Variants in CRTC3 observed in about 807,000 individuals in gnomAD.
The protein encoded by CRTC3 is CREB regulated transcription coactivator 3, also known as CREB-regulated transcription coactivator 3.
In CRTC3, 26 loss-of-function variants were observed where a neutral mutation model predicts 74.5. The ratio of observed to expected loss-of-function variants is 0.35; its 90% CI spans 0.26 to 0.48. The LOEUF is 0.48. Among genes scored for constraint, CRTC3 ranks in the 20% least tolerant of loss-of-function variants. CRTC3 has a pLI of 0.99. For synonymous variants in CRTC3, 377 were observed against 325.8 expected (o/e 1.16, Z -1.69); for missense variants, 760 against 787.3 (o/e 0.97, Z 0.41).
rs146223486 is a variant in CRTC3, at chr15:90,642,687, C to T, written c.*547C>T. On this transcript the variant is annotated 3_prime_UTR_variant, in exon 15 of 15. Transcript: ENST00000268184. ...GCTCTCTCCCACGCCTGGATTACGA[C>T]ATGAAGTTTTTACCACAAGCCCGAG... 44 of 232,554 alleles carry T rather than the reference C, an allele frequency of 1.9e-4. No individual in the cohort carries two copies. Among genetic ancestry groups the T allele is most frequent in the African/African-American group, 8.2e-4 (37 of 45,272 alleles). 14.4% of individuals were successfully genotyped at this position (232,554 alleles called of 1,614,324 possible).
chr15:90,629,488 C>CAGCT lies in CRTC3; in HGVS notation c.1223_1226dup (p.Ser410AlafsTer58). On this transcript the variant is annotated frameshift_variant, in exon 11 of 15. Coordinates refer to ENST00000268184, the MANE Select transcript of CRTC3 (RefSeq NM_022769.5). LOFTEE classifies it high-confidence loss of function. ...TGAAGCACATCAAGGTTTCAGCAGA[C>CAGCT]AGCTGTCTTCAACCAGCCCACTGGC... The CAGCT allele has an allele frequency of 6.2e-7, 1 of 1,614,134 alleles. No individual in the cohort carries two copies. The highest frequency in any genetic ancestry group is 8.5e-7 in the Non-Finnish European group (1 of 1,180,026).
intron 11 of CRTC3, chr15:90,634,772 A>T: frequency 8.7e-7 from 1 of 1,150,736 alleles, no homozygotes; most frequent in Non-Finnish European, 1.3e-6. Context: ...CTGACTGAGT[A>T]TTGGTTGGAA....
rs1966615429 is a variant in CRTC3 at position 90,530,836 on chromosome 15, A to G, written c.132+633A>G. 1 of 152,688 alleles carries G rather than the reference A, an allele frequency of 6.5e-6. No individual in the cohort carries two copies. The highest frequency in any genetic ancestry group is 2.1e-4 in the South Asian group (1 of 4,838). The allele number at this position is 152,688 out of a possible 1,614,324, so 9.5% of individuals were successfully genotyped here. A position where few individuals can be genotyped will look rare whatever the true frequency, so the allele number is the denominator to read the frequency against. The stretch of plus-strand genomic sequence containing the variant: ...CCGGGATATTTAGTGAGAACTGACA[A>G]GCGTCGCTGGTGACTGGAGAGGGAC... On this transcript the variant is annotated intron_variant, in intron 1 of 14. Transcript: ENST00000268184. The surrounding 1 kb of genome is among the most constrained non-coding windows in gnomAD (Gnocchi z 6.2).
chr15:90,570,535 C>G (rs1967239329), intron 2 of CRTC3, among the ~76,000 whole-genome samples: 1 of 152,092 alleles, frequency 6.6e-6, no homozygotes, highest in African/African-American at 2.4e-5. Flanking sequence ...TTATATAACA[C>G]TCCTTTATAA....
rs141258816 is a variant in CRTC3, at chr15:90,567,745, T to C, written c.232-25891T>C. On this transcript the variant is annotated intron_variant, in intron 2 of 14. Coordinates refer to ENST00000268184, the MANE Select transcript of CRTC3 (RefSeq NM_022769.5). Reference sequence around the variant, plus strand: ...TATCACTCCTCGTTGACAGTGCACCTAATCATCCAGGAGCTCTGATGGAAA... The same window carrying C: ...TATCACTCCTCGTTGACAGTGCACCCAATCATCCAGGAGCTCTGATGGAAA... Among the ~76,000 whole-genome samples the C allele has an allele frequency of 4.9e-3, 726 of 148,202 alleles. 2 individuals carry two copies. The highest frequency in any genetic ancestry group is 0.014 in the Middle Eastern group (4 of 286).
intron 2 of CRTC3, among the ~76,000 whole-genome samples, chr15:90,558,971 C>T (rs1303705745): frequency 2.0e-5 from 3 of 151,924 alleles, no homozygotes; most frequent in African/African-American, 4.8e-5. Context: ...AGGATGGTCT[C>T]GATCTCCTGG....
chr15:90,604,524 T>G, intron 5 of CRTC3, 77 bp downstream of exon 5: 1 of 1,118,902 alleles, frequency 8.9e-7, no homozygotes, highest in Non-Finnish European at 1.4e-6. Flanking sequence ...TAGCATCCAG[T>G]TGCCAGAGTG....
At chr15:90,563,539 C>G (rs1967058630) in intron 2 of CRTC3, among the ~76,000 whole-genome samples, 1 of 152,088 alleles carries the variant, frequency 6.6e-6, no homozygotes, top group South Asian at 2.1e-4. Flanking sequence ...AAAGCATAGC[C>G]TTGACCGAGC....
chr15:90,577,384 G>A (rs928675423), intron 2 of CRTC3, among the ~76,000 whole-genome samples: 1 of 152,180 alleles, frequency 6.6e-6, no homozygotes, highest in Admixed American at 6.6e-5. Context: ...CAATTATAGT[G>A]TTGGTATATG....
chr15:90,541,018 C>T lies in CRTC3; in HGVS notation c.231+881C>T, dbSNP rs192907083. 3.4e-3 allele frequency among the ~76,000 whole-genome samples: 512 copies of T among 152,268 alleles called. 4 individuals are homozygous for T. Among genetic ancestry groups the T allele is most frequent in the Non-Finnish European group, 5.9e-3 (399 of 68,012 alleles). On this transcript the variant is annotated intron_variant, in intron 2 of 14. Transcript: ENST00000268184. ...CAGGTGTAAGACACAGATAAGTAGT[C>T]TGTATTGCATTTAGATTACTGCAGT...
chr15:90,564,372 T>C (rs1373651651), intron 2 of CRTC3, among the ~76,000 whole-genome samples: 1 of 152,226 alleles, frequency 6.6e-6, no homozygotes, highest in African/African-American at 2.4e-5. Context: ...TTAGGGTTGG[T>C]AGTAGCTGCT....
intron 2 of CRTC3, among the ~76,000 whole-genome samples, chr15:90,545,213 T>C (rs1966842256): frequency 6.6e-6 from 1 of 152,206 alleles, no homozygotes; most frequent in Non-Finnish European, 1.5e-5. Context: ...TTTCATTGTA[T>C]GTGGATGCCA....
At chr15:90,591,534 A>G (rs1196682884) in intron 2 of CRTC3, among the ~76,000 whole-genome samples, 3 of 152,160 alleles carry the variant, frequency 2.0e-5, no homozygotes, top group African/African-American at 7.2e-5. Context: ...CCAGTTTGGC[A>G]GTAATTGTGC....
At chr15:90,545,805 C>A (rs1966843343) in intron 2 of CRTC3, among the ~76,000 whole-genome samples, 1 of 151,842 alleles carries the variant, frequency 6.6e-6, no homozygotes, top group African/African-American at 2.4e-5. Flanking sequence ...GTCTCCATCT[C>A]CTGACTTTGT....
chr15:90,608,489 G>C (rs138471477), intron 6 of CRTC3, among the ~76,000 whole-genome samples: 3 of 152,052 alleles, frequency 2.0e-5, no homozygotes, highest in Non-Finnish European at 4.4e-5. Context: ...CTCTCCATCC[G>C]TAAGCCTCAG....
At position 90,626,001 on chromosome 15, in the gene CRTC3, T is replaced by C. The variant is rs1968822292; in HGVS notation, c.967+8T>C. 1 of 1,609,908 alleles carries C rather than the reference T, an allele frequency of 6.2e-7. No homozygotes were observed. ...GTATAAGAAGCTCCTCTGGTGAGTA[T>C]CTCCTGCTTAGCAGTGACCTGGTGG... On this transcript the variant is annotated splice_region_variant and intron_variant, in intron 10 of 14. Coordinates refer to ENST00000268184, the MANE Select transcript of CRTC3 (RefSeq NM_022769.5).
chr15:90,546,954 T>G (rs1231212395), intron 2 of CRTC3, among the ~76,000 whole-genome samples: 1 of 152,238 alleles, frequency 6.6e-6, no homozygotes, highest in Non-Finnish European at 1.5e-5. Context: ...CAGGATTGCA[T>G]TGAATCTATA....
At chr15:90,572,216 G>A (rs1426449504) in intron 2 of CRTC3, among the ~76,000 whole-genome samples, 1 of 148,568 alleles carries the variant, frequency 6.7e-6, no homozygotes, top group African/African-American at 2.5e-5. Flanking sequence ...ATCTTTCTAT[G>A]TCAGTACCTA....
intron 2 of CRTC3, among the ~76,000 whole-genome samples, chr15:90,559,567 C>A (rs1242355404): frequency 6.6e-6 from 1 of 152,166 alleles, no homozygotes; most frequent in East Asian, 1.9e-4. Context: ...GCATTATTTT[C>A]ATGTATATTT....
Sources: allele counts gnomAD v4.1 joint callset (sites outside exome capture counted in the v4.1 genomes callset), GRCh38; gene constraint gnomAD v4.1.1; non-coding constraint Gnocchi (gnomAD v3.1); transcripts MANE v1.5; gene names NCBI Gene and HGNC (gene_info 2026-07-23, HGNC 2026-07-21).